GRM3: variants seen among roughly 807,000 people sequenced by gnomAD.
GRM3 encodes glutamate metabotropic receptor 3.
GRM3 carries 26 observed loss-of-function variants against 70.5 expected under a neutral mutation model. That is an observed-to-expected ratio of 0.37 (90% CI 0.27 to 0.51). GRM3 has a LOEUF of 0.51. Among genes scored for constraint, GRM3 ranks in the 20% least tolerant of loss-of-function variants. The pLI is 0.93. For synonymous variants in GRM3, 443 were observed against 434.9 expected (o/e 1.02, Z -0.23); for missense variants, 859 against 1,123.8 (o/e 0.76, Z 3.37).
chr7:86,727,404 A>G (rs969658449), intron 1 of GRM3, among the ~76,000 whole-genome samples: 3 of 152,160 alleles, frequency 2.0e-5, no homozygotes, highest in African/African-American at 7.2e-5. Context: ...GACTCCCTTC[A>G]GTTATCTCTT....
chr7:86,790,683 C>T (rs1797388267), intron 3 of GRM3, among the ~76,000 whole-genome samples: 1 of 152,212 alleles, frequency 6.6e-6, no homozygotes, highest in Non-Finnish European at 1.5e-5. Context: ...TCTCACTTCA[C>T]TCCAGCCACC....
chr7:86,733,549 G>A (rs972033332), intron 1 of GRM3, among the ~76,000 whole-genome samples: 1 of 152,132 alleles, frequency 6.6e-6, no homozygotes, highest in African/African-American at 2.4e-5. Flanking sequence ...GAGTATAAGA[G>A]GACTTCATGG....
At chr7:86,768,472 TA>T (rs1364873917) in intron 2 of GRM3, among the ~76,000 whole-genome samples, 2 of 152,262 alleles carry the variant, frequency 1.3e-5, no homozygotes, top group South Asian at 2.1e-4. Context: ...TCAAGAAACT[TA>T]AAATCTGGTT....
At chr7:86,856,838 G>A (rs1798859563) in intron 5 of GRM3, among the ~76,000 whole-genome samples, 1 of 151,948 alleles carries the variant, frequency 6.6e-6, no homozygotes, top group South Asian at 2.1e-4. Context: ...TATGTTGCTA[G>A]GTTTTCCCCT....
chr7:86,830,321 C>T (rs1453299770), intron 3 of GRM3, among the ~76,000 whole-genome samples: 3 of 152,178 alleles, frequency 2.0e-5, no homozygotes, highest in East Asian at 3.8e-4. Context: ...GACCCACTTG[C>T]CCTCAGCAGT....
At chr7:86,708,407 G>A (rs1395861308) in intron 1 of GRM3, among the ~76,000 whole-genome samples, 1 of 152,192 alleles carries the variant, frequency 6.6e-6, no homozygotes, top group African/African-American at 2.4e-5. Context: ...AGGCAGATGA[G>A]AAGCAGCAGG....
chr7:86,859,349 G>T (rs1203928009), intron 5 of GRM3, among the ~76,000 whole-genome samples: 2 of 152,160 alleles, frequency 1.3e-5, no homozygotes, highest in African/African-American at 4.8e-5. Context: ...GGTAGTAGTA[G>T]TGTCTTCATC....
In GRM3 at chr7:86,839,433, T is replaced by A; in HGVS notation, c.1919T>A (p.Ile640Asn). The A allele has an allele frequency of 1.9e-6, 3 of 1,614,024 alleles. No homozygotes were observed. The highest frequency in any genetic ancestry group is 2.5e-6 in the Non-Finnish European group (3 of 1,179,938). Residue 640 changes from isoleucine (I) to asparagine (N), a missense_variant, in exon 4 of 6, where the codon ATC becomes AAC. Transcript: ENST00000361669. This position sits in a 1 kb window ranked among gnomAD's most constrained non-coding sequence, Gnocchi z 4.5. ...FFFIAKPSPVICALRRLGLGS... is the reference protein window; with the variant it reads ...FFFIAKPSPVNCALRRLGLGS... ...TTCATTGCCAAGCCATCACCAGTCA[T>A]CTGTGCATTGCGCCGACTCGGGCTG...
chr7:86,646,014 G>A (rs1562811305), intron 1 of GRM3, among the ~76,000 whole-genome samples: 2 of 65,998 alleles, frequency 3.0e-5, no homozygotes, highest in Non-Finnish European at 5.9e-5. Context: ...GGTGGGGGGG[G>A]GTGGGAGGGA....
chr7:86,863,911 A>C (rs1288234368), intron 5 of GRM3, among the ~76,000 whole-genome samples: 1 of 152,214 alleles, frequency 6.6e-6, no homozygotes, highest in Non-Finnish European at 1.5e-5. Context: ...TCCAGGTTGC[A>C]AACTAATTTG....
chr7:86,824,673 C>CT (rs1296310465), intron 3 of GRM3, among the ~76,000 whole-genome samples: 2 of 152,162 alleles, frequency 1.3e-5, no homozygotes, highest in Non-Finnish European at 2.9e-5. Context: ...ACATGTACTA[C>CT]TAACTTTCTC....
intron 1 of GRM3, among the ~76,000 whole-genome samples, chr7:86,697,891 T>A (rs1272784421): frequency 6.6e-6 from 1 of 152,154 alleles, no homozygotes; most frequent in East Asian, 1.9e-4. Context: ...ACGTGCTGAC[T>A]TGAACTCTTT....
intron 1 of GRM3, among the ~76,000 whole-genome samples, chr7:86,740,335 T>C (rs1373757364): frequency 1.3e-5 from 2 of 152,148 alleles, no homozygotes; most frequent in Non-Finnish European, 2.9e-5. Context: ...ATGTGTTCTC[T>C]TAATCCGGAA....
intron 4 of GRM3, among the ~76,000 whole-genome samples, chr7:86,848,445 C>T (rs568674556): frequency 6.6e-6 from 1 of 152,284 alleles, no homozygotes; most frequent in South Asian, 2.1e-4. Context: ...AAGATACATC[C>T]TTCAGATGCC....
chr7:86,682,127 C>G (rs1240296173), intron 1 of GRM3, among the ~76,000 whole-genome samples: 3 of 152,158 alleles, frequency 2.0e-5, no homozygotes, highest in African/African-American at 7.2e-5. Flanking sequence ...GAAAATAACA[C>G]CATCGGATTA....
At chr7:86,821,178 T>A (rs555135818) in intron 3 of GRM3, among the ~76,000 whole-genome samples, 1 of 152,044 alleles carries the variant, frequency 6.6e-6, no homozygotes, top group East Asian at 1.9e-4. Flanking sequence ...AAAGGGTTTT[T>A]TTTAACTAGA....
intron 3 of GRM3, among the ~76,000 whole-genome samples, chr7:86,837,833 C>G (rs1798487731): frequency 6.6e-6 from 1 of 152,192 alleles, no homozygotes; most frequent in Non-Finnish European, 1.5e-5. Context: ...AACAGAGTTT[C>G]TCTATGTGTC....
intron 2 of GRM3, among the ~76,000 whole-genome samples, chr7:86,777,113 G>A (rs774884272): frequency 3.3e-5 from 5 of 152,158 alleles, no homozygotes; most frequent in South Asian, 2.1e-4. Flanking sequence ...GAATAGCATC[G>A]TGATGGTGAG....
At chr7:86,768,717 G>C (rs778574441) in intron 2 of GRM3, among the ~76,000 whole-genome samples, 8 of 152,196 alleles carry the variant, frequency 5.3e-5, no homozygotes, top group Non-Finnish European at 1.0e-4. Context: ...ACATGAATAA[G>C]AAGGAACAAG....
Sources: allele counts gnomAD v4.1 joint callset (sites outside exome capture counted in the v4.1 genomes callset), GRCh38; gene constraint gnomAD v4.1.1; non-coding constraint Gnocchi (gnomAD v3.1); transcripts MANE v1.5; gene names NCBI Gene and HGNC (gene_info 2026-07-23, HGNC 2026-07-21).